Variants in PRKD2 observed in about 807,000 individuals in gnomAD.
The protein encoded by PRKD2 is protein kinase D2.
PRKD2 carries 22 observed loss-of-function variants against 86.0 expected under a neutral mutation model. The ratio of observed to expected loss-of-function variants is 0.26; its 90% CI spans 0.18 to 0.37. PRKD2 has a LOEUF of 0.37. Ranked by LOEUF, PRKD2 falls within the 10% of genes least tolerant of loss-of-function variation. The pLI is 1.00. For synonymous variants in PRKD2, 509 were observed against 510.9 expected (o/e 1.00, Z 0.05); for missense variants, 818 against 1,199.2 (o/e 0.68, Z 4.70).
At chr19:46,695,833 T>C (rs972988421) in intron 9 of PRKD2, among the ~76,000 whole-genome samples, 2 of 151,074 alleles carry the variant, frequency 1.3e-5, no homozygotes, top group African/African-American at 4.9e-5. Context: ...GACAGCATTA[T>C]ATTTTATTTT....
chr19:46,694,105 A>G lies in PRKD2; in HGVS notation c.1346T>C (p.Val449Ala). Residue 449 changes from valine (V) to alanine (A), a missense_variant, in exon 10 of 18, where the codon GTG becomes GCG. This residue lies in a region of PRKD2 where 127 missense variants were observed against 157.8 expected (regional missense o/e 0.80). Transcript: ENST00000291281. The part of the protein sequence containing the change: ...KEIPLSEILT[V>A]ESAQNFSLVP... ...AAGGCTGAAGTTCTGGGCGGACTCC[A>G]CCGTGAGGATTTCTGACAGCGGAAT... 6.2e-7 allele frequency: 1 copy of G among 1,614,066 alleles called. No homozygotes were observed. The highest frequency in any genetic ancestry group is 8.5e-7 in the Non-Finnish European group (1 of 1,179,948).
At chr19:46,694,569 T>A (rs1208702265) in intron 9 of PRKD2, among the ~76,000 whole-genome samples, 1 of 152,128 alleles carries the variant, frequency 6.6e-6, no homozygotes, top group Non-Finnish European at 1.5e-5. Context: ...CACTCCAGCC[T>A]GGGCGACAGA....
At chr19:46,713,700 A>G (rs2053840738) in intron 2 of PRKD2, among the ~76,000 whole-genome samples, 163 bp downstream of exon 2, 1 of 151,876 alleles carries the variant, frequency 6.6e-6, no homozygotes, top group Admixed American at 6.6e-5. Context: ...CCTGGGCTCA[A>G]GCGATCCCCC....
intron 5 of PRKD2, among the ~76,000 whole-genome samples, chr19:46,702,690 T>G (rs1489941453): frequency 6.6e-6 from 1 of 151,830 alleles, no homozygotes; most frequent in East Asian, 1.9e-4. Flanking sequence ...TCTAGAATTT[T>G]TTTTTTTCTT....
rs10528388 is a variant in PRKD2 at position 46,703,958 on chromosome 19, A to AACACACACACACACACACACAC, written c.889+189_889+210dup. On this transcript the variant is annotated intron_variant, in intron 5 of 17. Transcript: ENST00000291281. ...CACCCTGTCTCCAAAAAACAACAAC[A>AACACACACACACACACACACAC]ACACACACACACACACACACACACA... 4.9e-3 allele frequency among the ~76,000 whole-genome samples: 661 copies of AACACACACACACACACACACAC among 133,716 alleles called. 4 individuals are homozygous for AACACACACACACACACACACAC. The highest frequency in any genetic ancestry group is 7.8e-3 in the Middle Eastern group (2 of 256). 87.7% of individuals were successfully genotyped at this position (133,716 alleles called of 152,430 possible).
chr19:46,684,329 A>G (rs1343298068), intron 14 of PRKD2, among the ~76,000 whole-genome samples: 3 of 151,948 alleles, frequency 2.0e-5, no homozygotes, highest in Admixed American at 6.6e-5. Context: ...TCATCTCCAG[A>G]TTGTTTTTTT....
At chr19:46,682,607 G>A (rs1385803233) in intron 14 of PRKD2, among the ~76,000 whole-genome samples, 1 of 152,098 alleles carries the variant, frequency 6.6e-6, no homozygotes, top group African/African-American at 2.4e-5. Context: ...CTAGATGAGT[G>A]GGGCTGTGAA....
chr19:46,690,848 G>A (rs2053473828), intron 12 of PRKD2, 142 bp from the exon 13 acceptor site: 6 of 667,736 alleles, frequency 9.0e-6, no homozygotes, highest in Non-Finnish European at 7.8e-6. Flanking sequence ...CAGGAGATAC[G>A]TGAAAAGGCC....
chr19:46,710,631 T>A, intron 3 of PRKD2: 9 of 358,520 alleles, frequency 2.5e-5, no homozygotes, highest in Admixed American at 4.1e-5. Context: ...GCCACCCTTC[T>A]GCTCCCCTAG....
intron 3 of PRKD2, among the ~76,000 whole-genome samples, chr19:46,706,341 G>A (rs1392511842): frequency 6.6e-6 from 1 of 152,112 alleles, no homozygotes; most frequent in Non-Finnish European, 1.5e-5. Flanking sequence ...TCTGGTACCC[G>A]CCTGCTCCAG....
Position 46,693,735 on chromosome 19 carries a change from G to C in PRKD2, c.1576+140C>G. The C allele has an allele frequency of 7.8e-7, 1 of 1,289,598 alleles. No individual in the cohort carries two copies. The highest frequency in any genetic ancestry group is 2.4e-5 in the East Asian group (1 of 42,420). The allele number at this position is 1,289,598 out of a possible 1,614,324, so 79.9% of individuals were successfully genotyped here. A position where few individuals can be genotyped will look rare whatever the true frequency, so the allele number is the denominator to read the frequency against. ...TTAACAGGAGTGATTAACAGAGTTTGAACCCAGGCCTGCTGAGTCCAGAAG... is the reference window on the plus strand; with the variant it reads ...TTAACAGGAGTGATTAACAGAGTTTCAACCCAGGCCTGCTGAGTCCAGAAG... On this transcript the variant is annotated intron_variant, in intron 10 of 17. Coordinates refer to ENST00000291281, the MANE Select transcript of PRKD2 (RefSeq NM_016457.5). The surrounding 1 kb of genome is among the most constrained non-coding windows in gnomAD (Gnocchi z 4.5).
intron 1 of PRKD2, 122 bp from the exon 2 acceptor site, chr19:46,714,123 G>A (rs889546211): frequency 3.5e-6 from 5 of 1,431,794 alleles, no homozygotes; most frequent in Admixed American, 2.6e-5. Context: ...GACCCCGCAG[G>A]CCCTCGCTTC....
chr19:46,704,071 G>C, intron 5 of PRKD2, 98 bp downstream of exon 5: 1 of 1,532,944 alleles, frequency 6.5e-7, no homozygotes, highest in Non-Finnish European at 8.8e-7. Context: ...GAGGCCCTGG[G>C]GTCCCAAGGC....
chr19:46,710,132 C>T (rs1599842075), intron 3 of PRKD2, among the ~76,000 whole-genome samples: 1 of 151,554 alleles, frequency 6.6e-6, no homozygotes, highest in South Asian at 2.1e-4. Flanking sequence ...CTCCTGACCT[C>T]GTGATCCACC....
intron 3 of PRKD2, chr19:46,710,648 T>G (rs1192457942): frequency 6.5e-6 from 3 of 459,350 alleles, no homozygotes; most frequent in East Asian, 3.3e-5. Context: ...CTAGGCTCTG[T>G]TCTTAAGCCC....
intron 3 of PRKD2, among the ~76,000 whole-genome samples, chr19:46,707,849 C>T (rs552239955): frequency 6.6e-6 from 1 of 152,126 alleles, no homozygotes; most frequent in African/African-American, 2.4e-5. Flanking sequence ...GTAATCCCAG[C>T]ACTGTGGGAG....
At chr19:46,688,840 C>T (rs1205427346) in intron 14 of PRKD2, 3 of 152,086 alleles carry the variant, frequency 2.0e-5, no homozygotes, top group South Asian at 2.1e-4. Context: ...AGTGCAATGC[C>T]TCTTCACAGA....
chr19:46,680,947 T>TATATATATATATA (rs1555826536), intron 15 of PRKD2, among the ~76,000 whole-genome samples: 9 of 33,216 alleles, frequency 2.7e-4, no homozygotes, highest in Non-Finnish European at 3.4e-4. Flanking sequence ...TATATATATA[T>TATATATATATATA]TTTTTTTTTT....
intron 9 of PRKD2, among the ~76,000 whole-genome samples, chr19:46,696,484 G>C (rs2053559430): frequency 6.6e-6 from 1 of 152,142 alleles, no homozygotes; most frequent in African/African-American, 2.4e-5. Context: ...GTGAGGCCGG[G>C]TGCGGTGGCT....
Sources: allele counts gnomAD v4.1 joint callset (sites outside exome capture counted in the v4.1 genomes callset), GRCh38; gene constraint gnomAD v4.1.1; regional missense constraint gnomAD v4.1.1; non-coding constraint Gnocchi (gnomAD v3.1); transcripts MANE v1.5; gene names NCBI Gene and HGNC (gene_info 2026-07-23, HGNC 2026-07-21).